IGSF21: variants seen among roughly 807,000 people sequenced by gnomAD.
IGSF21 encodes immunoglobin superfamily member 21, also known as immunoglobulin superfamily member 21.
In IGSF21, 28 loss-of-function variants were observed where a neutral mutation model predicts 46.8. The ratio of observed to expected loss-of-function variants is 0.60; its 90% CI spans 0.44 to 0.82. IGSF21 has a LOEUF of 0.82. Ranked by LOEUF, IGSF21 falls within the 40% of genes least tolerant of loss-of-function variation. The probability of loss-of-function intolerance (pLI) is 0.00; values close to 1 mark genes in which losing one functional copy is unlikely to be tolerated. For missense variants in IGSF21, 624 were observed against 665.5 expected (o/e 0.94, Z 0.69); for synonymous variants, 284 against 273.6 (o/e 1.04, Z -0.38).
At chr1:18,133,452 C>T (rs983011745) in intron 1 of IGSF21, among the ~76,000 whole-genome samples, 1 of 152,244 alleles carries the variant, frequency 6.6e-6, no homozygotes, top group East Asian at 1.9e-4. Context: ...TGGGCGCCCC[C>T]GCTTCTCCAT....
At chr1:18,111,134 C>T (rs570684400) in intron 1 of IGSF21, 2 of 152,244 alleles carry the variant, frequency 1.3e-5, no homozygotes, top group Non-Finnish European at 2.9e-5. Context: ...ATATATTTAT[C>T]CTCCCTTCAC....
intron 1 of IGSF21, among the ~76,000 whole-genome samples, chr1:18,201,547 G>A (rs1267724661): frequency 1.3e-5 from 2 of 152,156 alleles, no homozygotes; most frequent in African/African-American, 4.8e-5. Flanking sequence ...CAGCACCCAT[G>A]TCAACTCAGC....
intron 1 of IGSF21, among the ~76,000 whole-genome samples, chr1:18,168,268 T>C (rs1464333893): frequency 6.6e-6 from 1 of 152,106 alleles, no homozygotes. Context: ...TTAAGTCACC[T>C]CTCATTCTTT....
rs147324971 is a variant in IGSF21, at chr1:18,334,949, C to T, written c.363C>T (p.Tyr121=). The change falls in exon 4 of 10, where the codon TAC becomes TAT. Residue 121 remains tyrosine (Y), a synonymous_variant. Transcript: ENST00000251296. The surrounding 1 kb of genome is among the most constrained non-coding windows in gnomAD (Gnocchi z 4.3). ...NGPYECHVGI[Y]DRATREKVVL... is the part of the protein sequence containing the mutation. ...CCTATGAGTGCCATGTGGGCATCTACGACCGCGCCACCAGGGAGAAGGTGG... is the reference window on the plus strand; with the variant it reads ...CCTATGAGTGCCATGTGGGCATCTATGACCGCGCCACCAGGGAGAAGGTGG... 1.4e-4 allele frequency: 231 copies of T among 1,614,146 alleles called. No individual in the cohort carries two copies. Among genetic ancestry groups the T allele is most frequent in the Non-Finnish European group, 1.7e-4 (201 of 1,180,012 alleles).
chr1:18,288,928 T>C (rs566719203), intron 2 of IGSF21, among the ~76,000 whole-genome samples: 1 of 152,272 alleles, frequency 6.6e-6, no homozygotes, highest in East Asian at 1.9e-4. Flanking sequence ...GAGAAACAGA[T>C]GTAAATAAAA....
In IGSF21 at chr1:18,323,558, C is replaced by A. The variant is rs115951203; in HGVS notation, c.306-11334C>A. ...GGCCAAGGAGCTAAGGCAGCTGGGC[C>A]GCCAACGATCAGGCCAATTTAAGAG... On this transcript the variant is annotated intron_variant, in intron 3 of 9. Coordinates refer to ENST00000251296, the MANE Select transcript of IGSF21 (RefSeq NM_032880.5). Among the ~76,000 whole-genome samples, 428 of 152,218 alleles carry A rather than the reference C, an allele frequency of 2.8e-3. 3 individuals are homozygous for A. Among genetic ancestry groups the A allele is most frequent in the African/African-American group, 9.9e-3 (412 of 41,548 alleles).
At chr1:18,366,461 A>G (rs750511295) in intron 6 of IGSF21, among the ~76,000 whole-genome samples, 11 of 151,986 alleles carry the variant, frequency 7.2e-5, no homozygotes, top group Non-Finnish European at 1.5e-4. Context: ...GGAGTTTTCT[A>G]CATCACAGGT....
chr1:18,162,390 T>C (rs866535579), intron 1 of IGSF21, among the ~76,000 whole-genome samples: 5 of 152,136 alleles, frequency 3.3e-5, no homozygotes, highest in African/African-American at 9.7e-5. Flanking sequence ...GTGAAAGCAA[T>C]AGCCATTTGG....
chr1:18,148,675 C>G (rs1351899085), intron 1 of IGSF21, among the ~76,000 whole-genome samples: 40 of 152,188 alleles, frequency 2.6e-4, no homozygotes, highest in Non-Finnish European at 2.1e-4. Context: ...GGCCTGGCAC[C>G]AGGAAGGTGC....
At chr1:18,341,782 A>G (rs2085844433) in intron 4 of IGSF21, among the ~76,000 whole-genome samples, 1 of 152,166 alleles carries the variant, frequency 6.6e-6, no homozygotes, top group Non-Finnish European at 1.5e-5. Context: ...CTCATAAAGT[A>G]TTGGTACACA....
At chr1:18,170,768 C>T (rs1215076614) in intron 1 of IGSF21, among the ~76,000 whole-genome samples, 1 of 152,054 alleles carries the variant, frequency 6.6e-6, no homozygotes, top group Non-Finnish European at 1.5e-5. Flanking sequence ...GAGGAAATCT[C>T]ACTTGGCTGG....
intron 1 of IGSF21, among the ~76,000 whole-genome samples, chr1:18,173,488 GC>G (rs1370750508): frequency 3.3e-5 from 5 of 152,252 alleles, no homozygotes; most frequent in Non-Finnish European, 7.4e-5. Context: ...CCTGCATCCT[GC>G]CCTTAGGCCC....
At chr1:18,163,881 C>T (rs1471623762) in intron 1 of IGSF21, among the ~76,000 whole-genome samples, 2 of 152,172 alleles carry the variant, frequency 1.3e-5, no homozygotes, top group African/African-American at 2.4e-5. Context: ...CAGGATCTAA[C>T]AATAACGGGT....
intron 1 of IGSF21, among the ~76,000 whole-genome samples, chr1:18,146,691 G>A (rs1433845683): frequency 6.6e-6 from 1 of 152,132 alleles, no homozygotes. Flanking sequence ...AGGTTGTGGA[G>A]CCACCGAGGG....
At chr1:18,185,723 G>A (rs373332113) in intron 1 of IGSF21, among the ~76,000 whole-genome samples, 71 of 152,254 alleles carry the variant, frequency 4.7e-4, no homozygotes, top group African/African-American at 1.7e-3. Context: ...CCCCATCTTG[G>A]AAAAACAGGG....
intron 2 of IGSF21, among the ~76,000 whole-genome samples, chr1:18,268,205 T>C (rs1298311942): frequency 6.6e-6 from 1 of 152,224 alleles, no homozygotes; most frequent in Non-Finnish European, 1.5e-5. Context: ...CGACTGATCA[T>C]TTTACAGATG....
At chr1:18,347,356 T>C (rs1482066051) in intron 4 of IGSF21, among the ~76,000 whole-genome samples, 1 of 152,114 alleles carries the variant, frequency 6.6e-6, no homozygotes, top group Non-Finnish European at 1.5e-5. Flanking sequence ...CCCACAGCAG[T>C]GAGTGGCGCT....
chr1:18,155,376 G>A lies in IGSF21; in HGVS notation c.70+47178G>A, dbSNP rs974709371. ...TTGCTGAGCCTCTGCTCCTGCATCTGTAAAATGGGGATAAGGATACCTACT... is the reference window on the plus strand; with the variant it reads ...TTGCTGAGCCTCTGCTCCTGCATCTATAAAATGGGGATAAGGATACCTACT... On this transcript the variant is annotated intron_variant, in intron 1 of 9. Transcript: ENST00000251296. Among the ~76,000 whole-genome samples, 3 of 152,178 alleles carry A rather than the reference G, an allele frequency of 2.0e-5. No homozygotes were observed. In the South Asian group the frequency reaches 6.2e-4, roughly 31 times the overall value.
intron 1 of IGSF21, among the ~76,000 whole-genome samples, chr1:18,117,773 C>T (rs1437863179): frequency 6.6e-6 from 1 of 152,190 alleles, no homozygotes; most frequent in Admixed American, 6.5e-5. Flanking sequence ...ACTGGAAGAA[C>T]CTTTGGGTTT....
Sources: allele counts gnomAD v4.1 joint callset (sites outside exome capture counted in the v4.1 genomes callset), GRCh38; gene constraint gnomAD v4.1.1; non-coding constraint Gnocchi (gnomAD v3.1); transcripts MANE v1.5; gene names NCBI Gene and HGNC (gene_info 2026-07-23, HGNC 2026-07-21).